Variants in DNAH2 observed in about 807,000 individuals in gnomAD.
The protein encoded by DNAH2 is axonemal beta dynein heavy chain 2.
Under a neutral mutation model 523.5 loss-of-function variants are expected in DNAH2, and 323 were observed. That is an observed-to-expected ratio of 0.62 (90% confidence interval 0.56 to 0.68). The LOEUF is 0.68. DNAH2 is among the 30% of genes least tolerant of loss of function. DNAH2 has a pLI of 0.00. For synonymous variants in DNAH2, 2,093 were observed against 2,177.4 expected (o/e 0.96, Z 1.08); for missense variants, 4,907 against 5,701.5 (o/e 0.86, Z 4.49).
rs373415418 is a variant in DNAH2 at position 7,777,528 on chromosome 17, C to T, written c.5141C>T (p.Thr1714Met). The T allele has an allele frequency of 1.5e-5, 25 of 1,613,994 alleles. No individual in the cohort carries two copies. Among genetic ancestry groups the T allele is most frequent in the Middle Eastern group, 1.6e-4 (1 of 6,084 alleles). ...CGGCTTAAAATTGTGGCTCTGGTGACGATAGAAATTCATGCCCGGGATGTG... is the reference window on the plus strand; with the variant it reads ...CGGCTTAAAATTGTGGCTCTGGTGATGATAGAAATTCATGCCCGGGATGTG... ...IMRLKIVALV[T>M]IEIHARDVLE... Residue 1714 changes from threonine (T) to methionine (M), a missense_variant, in exon 33 of 86, where the codon ACG becomes ATG. Transcript: ENST00000572933.
chr17:7,743,243 CTT>C (rs2075407593), intron 12 of DNAH2, 101 bp downstream of exon 12: 1 of 1,219,200 alleles, frequency 8.2e-7, no homozygotes, highest in Admixed American at 1.9e-5. Flanking sequence ...TATTCTCTCT[CTT>C]TCTCATACAA....
rs748358730 is a variant in DNAH2, at chr17:7,742,959, T to C, written c.1721T>C (p.Ile574Thr). ...GCTGGTGCTCATTTCCTGCCCCGTA[T>C]TGGGACTGGAAAGGAGAGTGTGCAC... ...CLAGAHFLPRIGTGKESVHTY... is the reference protein window; with the variant it reads ...CLAGAHFLPRTGTGKESVHTY... The change falls in exon 12 of 86, where the codon ATT (isoleucine) becomes ACT (threonine). Residue 574 changes from isoleucine to threonine, a missense_variant. Physicochemically the swap from Ile to Thr is moderately conservative, Grantham distance 89. Coordinates refer to ENST00000572933, the MANE Select transcript of DNAH2 (RefSeq NM_020877.5). 2 of 1,476,782 alleles carry C rather than the reference T, an allele frequency of 1.4e-6. No homozygotes were observed. Among genetic ancestry groups the C allele is most frequent in the African/African-American group, 1.4e-5 (1 of 70,284 alleles). 91.5% of individuals were successfully genotyped at this position (1,476,782 alleles called of 1,614,324 possible).
Position 7,793,037 on chromosome 17 carries a change from G to C in DNAH2, c.7401G>C (p.Lys2467Asn). Residue 2467 changes from lysine to asparagine, a missense_variant, in exon 48 of 86, where the codon AAG becomes AAC. By Grantham distance (94) the Lys-to-Asn change is moderately conservative. Around this residue, in one of 3 missense-constraint regions of DNAH2, gnomAD observed 2,806 missense variants for 3,190.8 expected, o/e 0.88. Coordinates refer to ENST00000572933, the MANE Select transcript of DNAH2 (RefSeq NM_020877.5). ...IIESRVEKRT[K>N]GVYVPFGGKS... is the part of the protein sequence containing the mutation. Reference sequence around the variant, plus strand: ...AGAGCAGGGTTGAGAAGCGAACCAAGGGTGTCTACGTGCCATTCGGGGGCA... The same window carrying C: ...AGAGCAGGGTTGAGAAGCGAACCAACGGTGTCTACGTGCCATTCGGGGGCA... 1 of 1,614,122 alleles carries C rather than the reference G, an allele frequency of 6.2e-7. No homozygotes were observed. Among genetic ancestry groups the C allele is most frequent in the Non-Finnish European group, 8.5e-7 (1 of 1,179,974 alleles).
At position 7,779,277 on chromosome 17, in the gene DNAH2, G is replaced by T. The variant is rs770822929; in HGVS notation, c.5576G>T (p.Arg1859Leu). Residue 1859 changes from arginine (R) to leucine (L), a missense_variant, in exon 36 of 86, where the codon CGC (arginine) becomes CTC (leucine). Physicochemically the swap from Arg to Leu is moderately radical, Grantham distance 102. Around this residue, in one of 3 missense-constraint regions of DNAH2, gnomAD observed 2,806 missense variants for 3,190.8 expected, o/e 0.88. Coordinates refer to ENST00000572933, the MANE Select transcript of DNAH2 (RefSeq NM_020877.5). The part of the protein sequence containing the change: ...GAWGCFDEFN[R>L]INIEVLSVVA... ...TGGGGCTGCTTTGATGAGTTTAACC[G>T]CATCAACATCGAGGTGCTGTCAGTG... 2 of 1,614,112 alleles carry T rather than the reference G, an allele frequency of 1.2e-6. No homozygotes were observed. The highest frequency in any genetic ancestry group is 1.1e-5 in the South Asian group (1 of 91,078).
At chr17:7,723,519 GCCTAGTACT>G in intron 2 of DNAH2, 100 bp from the exon 3 acceptor site, 2 of 841,572 alleles carry the variant, frequency 2.4e-6, no homozygotes, top group Non-Finnish European at 4.1e-6. Flanking sequence ...TGATCCTCCC[GCCTAGTACT>G]CCCAAAGTGC....
At chr17:7,732,854 T>A (rs2075028268) in intron 4 of DNAH2, among the ~76,000 whole-genome samples, 1 of 152,200 alleles carries the variant, frequency 6.6e-6, no homozygotes, top group South Asian at 2.1e-4. Flanking sequence ...TGGAGCCTAG[T>A]TGGACAAAAT....
In DNAH2 at chr17:7,797,194, A is replaced by G; in HGVS notation, c.7882A>G (p.Arg2628Gly). The change falls in exon 51 of 86, where the codon AGA becomes GGA. Residue 2628 changes from arginine (R) to glycine (G), a missense_variant. Around this residue, in one of 3 missense-constraint regions of DNAH2, gnomAD observed 250 missense variants for 371.3 expected, o/e 0.67. Transcript: ENST00000572933. ...TTCCCAGGTGTTCCAGGGCATGCTT[A>G]GAGCCAACAAGGACTTCCATGATAC... ...DISKVFQGMLRANKDFHDTKS... is the reference protein window; with the variant it reads ...DISKVFQGMLGANKDFHDTKS... 6.2e-7 allele frequency: 1 copy of G among 1,613,196 alleles called. No individual in the cohort carries two copies. Among genetic ancestry groups the G allele is most frequent in the East Asian group, 2.2e-5 (1 of 44,808 alleles).
At position 7,830,726 on chromosome 17, in the gene DNAH2, C is replaced by A; in HGVS notation, c.12114C>A (p.Tyr4038Ter). Residue 4038 changes from tyrosine (Y) to a stop codon, truncating the protein, a stop_gained, in exon 79 of 86, where the codon TAC becomes TAA. Transcript: ENST00000572933. LOFTEE classifies it high-confidence loss of function. ...YEETPWDALK[Y>*]LIAGINYGGH... ...AGACACCTTGGGACGCACTTAAGTA[C>A]CTCATTGCCGGCATCAACTATGGTG... 1.2e-6 allele frequency: 2 copies of A among 1,614,164 alleles called. No homozygotes were observed. The highest frequency in any genetic ancestry group is 1.7e-6 in the Non-Finnish European group (2 of 1,180,046).
chr17:7,752,449 G>A (rs552970863), intron 12 of DNAH2, among the ~76,000 whole-genome samples: 99 of 152,226 alleles, frequency 6.5e-4, no homozygotes, highest in African/African-American at 2.2e-3. Flanking sequence ...GGTGGCTCAC[G>A]CCTGTAATCC....
rs1396072557 is a variant in DNAH2 at position 7,792,865 on chromosome 17, G to A, written c.7344+10G>A. 1 of 1,608,046 alleles carries A rather than the reference G, an allele frequency of 6.2e-7. No homozygotes were observed. Among genetic ancestry groups the A allele is most frequent in the African/African-American group, 1.3e-5 (1 of 74,790 alleles). Reference sequence around the variant, plus strand: ...CAACATGTCCGCACAGGTGTGTCGGGGATCCAGGGGCCAGGCTGCCGGCTC... The same window carrying A: ...CAACATGTCCGCACAGGTGTGTCGGAGATCCAGGGGCCAGGCTGCCGGCTC... On this transcript the variant is annotated intron_variant, in intron 47 of 85. Coordinates refer to ENST00000572933, the MANE Select transcript of DNAH2 (RefSeq NM_020877.5).
chr17:7,771,272 G>GC, intron 27 of DNAH2, 58 bp from the exon 28 acceptor site: 1 of 1,606,388 alleles, frequency 6.2e-7, no homozygotes, highest in Admixed American at 1.7e-5. Context: ...GGAACAGGGA[G>GC]CAGAGGGTGG....
At chr17:7,796,009 A>G (rs1218810300) in intron 49 of DNAH2, among the ~76,000 whole-genome samples, 3 of 147,894 alleles carry the variant, frequency 2.0e-5, no homozygotes, top group Non-Finnish European at 4.5e-5. Context: ...GTGTTATATA[A>G]TAGTATTTGT....
rs201369730 is a variant in DNAH2 at position 7,833,413 on chromosome 17, C to T, written c.13164C>T (p.Asn4388=). The T allele has an allele frequency of 2.7e-4, 439 of 1,614,210 alleles. 6 individuals carry two copies. In the East Asian group the frequency reaches 7.0e-3, roughly 26 times the overall value. The part of the protein sequence containing the change: ...MYSCPCYYYP[N]RAGSSDRASF... ...CCTGCCCCTGCTATTACTATCCCAA[C>T]CGGGCAGGCAGCTCAGACCGAGCCT... The change falls in exon 86 of 86, where the codon AAC becomes AAT. Residue 4388 remains asparagine, a synonymous_variant. Transcript: ENST00000572933.
chr17:7,777,046 G>T (rs2076474061), intron 32 of DNAH2, among the ~76,000 whole-genome samples, 157 bp downstream of exon 32: 2 of 150,666 alleles, frequency 1.3e-5, no homozygotes, highest in African/African-American at 2.4e-5. Context: ...TTAGCTGGTG[G>T]CACACCCAGG....
At chr17:7,744,429 C>A (rs1250380167) in intron 12 of DNAH2, among the ~76,000 whole-genome samples, 2 of 151,888 alleles carry the variant, frequency 1.3e-5, no homozygotes, top group African/African-American at 4.8e-5. Context: ...CAAAAGGTGG[C>A]CCAACCAGGG....
chr17:7,735,418 C>T (rs2075112600), intron 7 of DNAH2, among the ~76,000 whole-genome samples: 1 of 152,310 alleles, frequency 6.6e-6, no homozygotes, highest in Non-Finnish European at 1.5e-5. Context: ...GCGTGAGCCA[C>T]CGCACCTGGC....
intron 2 of DNAH2, 22 bp downstream of exon 2, chr17:7,719,922 G>A (rs1597441239): frequency 4.0e-6 from 6 of 1,492,586 alleles, no homozygotes; most frequent in Non-Finnish European, 5.3e-6. Flanking sequence ...CTGGGGCAGA[G>A]GATGCTTAGC....
intron 11 of DNAH2, among the ~76,000 whole-genome samples, chr17:7,741,236 C>CTCTCTTTCTTTCTTTCTTTCTTTCTT (rs1555540638): frequency 4.7e-5 from 4 of 85,672 alleles, no homozygotes; most frequent in African/African-American, 1.7e-4. Flanking sequence ...TTTTCTCTCT[C>CTCTCTTTCTTTCTTTCTTTCTTTCTT]TCTTTCTTTC....
chr17:7,724,395 G>A (rs912874390), intron 3 of DNAH2, among the ~76,000 whole-genome samples: 10 of 152,082 alleles, frequency 6.6e-5, no homozygotes, highest in Non-Finnish European at 7.4e-5. Context: ...CGAGGTGGGT[G>A]GATCACCTGA....
Sources: gnomAD v4.1 joint callset for allele counts (sites outside exome capture counted in the v4.1 genomes callset) on GRCh38, gnomAD v4.1.1 for gene constraint, gnomAD v4.1.1 regional missense constraint, MANE v1.5 for transcripts, NCBI Gene and HGNC (gene_info 2026-07-23, HGNC 2026-07-21) for gene names.